The following NAA30 variants were observed in gnomAD, a reference collection of about 807,000 sequenced individuals.
The protein encoded by NAA30 is N-alpha-acetyltransferase 30, NatC catalytic subunit.
Under a neutral mutation model 31.4 loss-of-function variants are expected in NAA30, and 5 were observed. That is an observed-to-expected ratio of 0.16 (90% CI 0.08 to 0.33). The LOEUF (loss-of-function observed/expected upper bound fraction) is 0.33, where lower values mean the gene tolerates loss of function less well. Among genes scored for constraint, NAA30 ranks in the 10% least tolerant of loss-of-function variants. The pLI, the probability that NAA30 is intolerant of heterozygous loss-of-function variation, is 1.00. For missense variants in NAA30, 428 were observed against 490.8 expected (o/e 0.87, Z 1.21); for synonymous variants, 222 against 207.1 (o/e 1.07, Z -0.62).
chr14:57,392,552 C>T (rs1313712980), intron 2 of NAA30, among the ~76,000 whole-genome samples: 4 of 152,090 alleles, frequency 2.6e-5, no homozygotes, highest in Non-Finnish European at 5.9e-5. Flanking sequence ...ATAGTATTGG[C>T]AGTACCAGTA....
intron 4 of NAA30, 93 bp downstream of exon 4, chr14:57,399,976 T>C: frequency 1.5e-6 from 1 of 659,242 alleles, no homozygotes; most frequent in Non-Finnish European, 2.6e-6. Context: ...GCAGATTTCA[T>C]TGCAGTGTTA....
chr14:57,400,911 T>C lies in NAA30; in HGVS notation c.951+1028T>C, dbSNP rs1191001104. Among the ~76,000 whole-genome samples the C allele has an allele frequency of 3.3e-5, 5 of 151,856 alleles. No individual in the cohort carries two copies. In the East Asian group the frequency reaches 9.7e-4, roughly 29 times the overall value. On this transcript the variant is annotated intron_variant, in intron 4 of 4. Transcript: ENST00000556492. ...GTTTTTTTTTGTTTTTTTTTTGTTT[T>C]TGTAGAGATGGGAGTCTTGCTATGT... is the stretch of plus-strand genomic sequence containing the variant.
chr14:57,391,759 C>T lies in NAA30; in HGVS notation c.771+31C>T. On this transcript the variant is annotated intron_variant, in intron 2 of 4. Transcript: ENST00000556492. This position sits in a 1 kb window ranked among gnomAD's most constrained non-coding sequence, Gnocchi z 4.1. ...TGGATAGAATAAAAAGAGGGTGAAC[C>T]CAGCAGTGATCGAGACTGTGCGGGG... The T allele has an allele frequency of 1.2e-5, 18 of 1,554,742 alleles. No individual in the cohort carries two copies. The highest frequency in any genetic ancestry group is 1.4e-5 in the Non-Finnish European group (16 of 1,144,938).
chr14:57,408,001 G>T (rs1019891679), intron 4 of NAA30, among the ~76,000 whole-genome samples: 1 of 152,106 alleles, frequency 6.6e-6, no homozygotes, highest in Admixed American at 6.5e-5. Flanking sequence ...AGGCATTGGT[G>T]TGGTGGGGGG....
chr14:57,400,670 G>GT (rs900176522), intron 4 of NAA30, among the ~76,000 whole-genome samples: 2 of 152,076 alleles, frequency 1.3e-5, no homozygotes, highest in African/African-American at 4.8e-5. Context: ...AATTGGGTAA[G>GT]TTTTTTTAAA....
chr14:57,413,895 T>C lies in NAA30; in HGVS notation c.*4379T>C, dbSNP rs1460827074. 1 of 152,226 alleles carries C rather than the reference T, an allele frequency of 6.6e-6. No homozygotes were observed. Among genetic ancestry groups the C allele is most frequent in the African/African-American group, 2.4e-5 (1 of 41,456 alleles). 9.4% of individuals were successfully genotyped at this position (152,226 alleles called of 1,614,324 possible). A position where few individuals can be genotyped will look rare whatever the true frequency, so the allele number is the denominator to read the frequency against. ...AGATCACTACTGTCCAGTCACACTT[T>C]ATATAAGGATAGATGTGTCCTTTTC... On this transcript the variant is annotated 3_prime_UTR_variant, in exon 5 of 5. Coordinates refer to ENST00000556492, the MANE Select transcript of NAA30 (RefSeq NM_001011713.3).
chr14:57,393,995 C>G (rs1338869830), intron 2 of NAA30, among the ~76,000 whole-genome samples: 1 of 151,746 alleles, frequency 6.6e-6, no homozygotes, highest in African/African-American at 2.4e-5. Context: ...TTCCGTTTTC[C>G]GTGGATAACC....
intron 4 of NAA30, among the ~76,000 whole-genome samples, chr14:57,403,862 A>G (rs1206747338): frequency 6.6e-6 from 1 of 152,224 alleles, no homozygotes; most frequent in African/African-American, 2.4e-5. Flanking sequence ...ATTTACATTT[A>G]TGTACTTTTT....
intron 4 of NAA30, among the ~76,000 whole-genome samples, chr14:57,400,349 A>G (rs913588660): frequency 3.3e-5 from 5 of 152,348 alleles, no homozygotes; most frequent in South Asian, 2.1e-4. Flanking sequence ...GCGCATTAAC[A>G]TAAGAGCATT....
intron 4 of NAA30, among the ~76,000 whole-genome samples, chr14:57,404,025 G>T (rs1249604888): frequency 6.6e-6 from 1 of 152,042 alleles, no homozygotes; most frequent in Admixed American, 6.6e-5. Context: ...TGTTTGTTTT[G>T]TTTTTAGAGT....
At chr14:57,401,924 T>G (rs2066479311) in intron 4 of NAA30, among the ~76,000 whole-genome samples, 1 of 152,198 alleles carries the variant, frequency 6.6e-6, no homozygotes, top group Non-Finnish European at 1.5e-5. Context: ...TTCATTCATT[T>G]TTTCTTTTGA....
chr14:57,396,683 G>A (rs779730480), intron 2 of NAA30, 69 bp from the exon 3 acceptor site: 35 of 1,550,946 alleles, frequency 2.3e-5, no homozygotes, highest in Non-Finnish European at 3.0e-5. Flanking sequence ...GTTGGTTGTT[G>A]TTTTCTCTGG....
rs546291844 is a variant in NAA30, at chr14:57,410,859, T to C, written c.*1343T>C. 1 of 152,682 alleles carries C rather than the reference T, an allele frequency of 6.5e-6. No homozygotes were observed. The highest frequency in any genetic ancestry group is 2.1e-4 in the South Asian group (1 of 4,822). The allele number at this position is 152,682 out of a possible 1,614,324, so 9.5% of individuals were successfully genotyped here. On this transcript the variant is annotated 3_prime_UTR_variant, in exon 5 of 5. Transcript: ENST00000556492. The stretch of plus-strand genomic sequence containing the variant: ...ACCTGTGATAGATAATTTATTTAAC[T>C]GGAAAACCTAGGTACCCATAAGAAA...
intron 2 of NAA30, among the ~76,000 whole-genome samples, chr14:57,394,487 A>G (rs559662452): frequency 1.3e-5 from 2 of 152,076 alleles, no homozygotes; most frequent in Non-Finnish European, 2.9e-5. Flanking sequence ...CAGAGCTTTT[A>G]TTTGGAAAAA....
In NAA30 at chr14:57,398,776, G is replaced by T. The variant is rs2066461684; in HGVS notation, c.896-1052G>T. 2.0e-5 allele frequency among the ~76,000 whole-genome samples: 3 copies of T among 152,248 alleles called. No homozygotes were observed. The South Asian group carries it at 6.2e-4, about 32-fold the overall frequency. The stretch of plus-strand genomic sequence containing the variant: ...GCCTCCCAAGTAGCTGGGATTACAG[G>T]CACCCTCCACCTGTAATGCCTGGCT... On this transcript the variant is annotated intron_variant, in intron 3 of 4. Transcript: ENST00000556492.
intron 4 of NAA30, among the ~76,000 whole-genome samples, chr14:57,403,001 T>A (rs1479201044): frequency 6.6e-6 from 1 of 152,126 alleles, no homozygotes; most frequent in Non-Finnish European, 1.5e-5. Context: ...GCCGACATGG[T>A]GAAACCCCGT....
chr14:57,396,941 TA>T, intron 3 of NAA30, 66 bp downstream of exon 3: 1 of 1,497,146 alleles, frequency 6.7e-7, no homozygotes, highest in South Asian at 1.2e-5. Context: ...TGTTTTGAAA[TA>T]AAAGACTTAA....
intron 3 of NAA30, among the ~76,000 whole-genome samples, chr14:57,397,925 C>T (rs990492553): frequency 1.2e-4 from 19 of 152,118 alleles, no homozygotes; most frequent in Non-Finnish European, 2.1e-4. Flanking sequence ...TTCAAAAAAC[C>T]ACTCTTCTAT....
At chr14:57,393,545 T>A (rs186472989) in intron 2 of NAA30, among the ~76,000 whole-genome samples, 46 of 152,306 alleles carry the variant, frequency 3.0e-4, no homozygotes, top group South Asian at 4.1e-4. Context: ...ACTATTTTTT[T>A]AAAAATACAG....
Sources: gnomAD v4.1 joint callset for allele counts (sites outside exome capture counted in the v4.1 genomes callset) on GRCh38, gnomAD v4.1.1 for gene constraint, Gnocchi (gnomAD v3.1) non-coding constraint, MANE v1.5 for transcripts, NCBI Gene and HGNC (gene_info 2026-07-23, HGNC 2026-07-21) for gene names.